CFAP53: variants seen among roughly 807,000 people sequenced by gnomAD.
CFAP53 encodes the protein cilia- and flagella-associated protein 53.
CFAP53 carries 62 observed loss-of-function variants against 59.7 expected under a neutral mutation model. The observed-to-expected ratio is 1.04, with a 90% CI of 0.85 to 1.28. The LOEUF is 1.28. CFAP53 is among the 50% of genes most tolerant of loss of function. CFAP53 has a pLI of 0.00. For synonymous variants in CFAP53, 218 were observed against 205.7 expected (o/e 1.06, Z -0.51); for missense variants, 629 against 615.6 (o/e 1.02, Z -0.23).
intron 6 of CFAP53, among the ~76,000 whole-genome samples, chr18:50,239,196 C>T (rs1157186299): frequency 7.3e-5 from 11 of 151,500 alleles, no homozygotes; most frequent in Non-Finnish European, 1.2e-4. Context: ...GAGACCAGCC[C>T]GGCCAACATG....
intron 3 of CFAP53, 126 bp from the exon 4 acceptor site, chr18:50,251,910 G>C (rs2033805190): frequency 1.2e-6 from 1 of 827,790 alleles, no homozygotes; most frequent in Non-Finnish European, 1.9e-6. Flanking sequence ...GGCCATCGGA[G>C]CACAGGAAAC....
chr18:50,241,244 T>G (rs2033687246), intron 6 of CFAP53, among the ~76,000 whole-genome samples: 4 of 152,160 alleles, frequency 2.6e-5, no homozygotes, highest in Admixed American at 2.6e-4. Context: ...CAATGTGGAT[T>G]GAATGTAAGT....
At chr18:50,257,492 G>T (rs900000436) in intron 3 of CFAP53, among the ~76,000 whole-genome samples, 1 of 152,048 alleles carries the variant, frequency 6.6e-6, no homozygotes, top group African/African-American at 2.4e-5. Context: ...ACGTGAAAAA[G>T]AAATTTAAAA....
At chr18:50,251,018 G>A (rs1262884774) in intron 4 of CFAP53, 42 bp from the exon 5 acceptor site, 4 of 1,527,264 alleles carry the variant, frequency 2.6e-6, no homozygotes, top group Admixed American at 1.7e-5. Context: ...CAGTACAGTT[G>A]GACAAGACAA....
intron 5 of CFAP53, among the ~76,000 whole-genome samples, chr18:50,249,553 A>G (rs1237499081): frequency 1.3e-5 from 2 of 152,084 alleles, no homozygotes; most frequent in Non-Finnish European, 2.9e-5. Flanking sequence ...AGAAAAAGAA[A>G]CAACTATTGA....
At chr18:50,228,548 G>C (rs1171248702) in intron 7 of CFAP53, among the ~76,000 whole-genome samples, 1 of 151,840 alleles carries the variant, frequency 6.6e-6, no homozygotes, top group East Asian at 1.9e-4. Context: ...CCCAGCACTT[G>C]GGAGGCTGAG....
At chr18:50,242,164 T>C (rs910703848) in intron 6 of CFAP53, among the ~76,000 whole-genome samples, 1 of 152,224 alleles carries the variant, frequency 6.6e-6, no homozygotes, top group Non-Finnish European at 1.5e-5. Flanking sequence ...CCTTGTTCCC[T>C]GAAAATTGCT....
rs112473905 is a variant in CFAP53, at chr18:50,259,839, T to C, written c.473+1225A>G. 8.3e-3 allele frequency among the ~76,000 whole-genome samples: 1,258 copies of C among 152,326 alleles called. 15 individuals carry two copies. The highest frequency in any genetic ancestry group is 0.029 in the African/African-American group (1,208 of 41,570). On this transcript the variant is annotated intron_variant, in intron 3 of 7. Transcript: ENST00000398545. The stretch of plus-strand genomic sequence containing the variant: ...TGCTGGGATTATAGGTGTGAGCCAC[T>C]GTGCCCAGCCAAATAACAGCAATTC...
chr18:50,235,226 C>A (rs556998345), intron 7 of CFAP53, among the ~76,000 whole-genome samples: 11 of 152,330 alleles, frequency 7.2e-5, no homozygotes, highest in Admixed American at 2.0e-4. Flanking sequence ...CAAAGCTTCT[C>A]CAGCTGGGTT....
At chr18:50,247,735 C>T (rs1369273387) in intron 5 of CFAP53, among the ~76,000 whole-genome samples, 2 of 152,180 alleles carry the variant, frequency 1.3e-5, no homozygotes, top group African/African-American at 2.4e-5. Flanking sequence ...TGATTCCATT[C>T]ATATCAAAGT....
chr18:50,243,869 G>A (rs920293446), intron 5 of CFAP53, among the ~76,000 whole-genome samples: 13 of 151,716 alleles, frequency 8.6e-5, no homozygotes, highest in East Asian at 3.9e-4. Context: ...GGAGAATGGC[G>A]TGAACCCAGG....
At chr18:50,262,377 G>A (rs900607848) in intron 1 of CFAP53, among the ~76,000 whole-genome samples, 158 bp from the exon 2 acceptor site, 1 of 152,310 alleles carries the variant, frequency 6.6e-6, no homozygotes, top group African/African-American at 2.4e-5. Context: ...CACCTAAAGA[G>A]TAACTTGTTT....
chr18:50,252,774 C>T (rs1159305158), intron 3 of CFAP53, among the ~76,000 whole-genome samples: 1 of 152,174 alleles, frequency 6.6e-6, no homozygotes, highest in African/African-American at 2.4e-5. Flanking sequence ...GTAATCCCAA[C>T]ACTTTGGGAG....
At chr18:50,245,506 A>T (rs1179229667) in intron 5 of CFAP53, among the ~76,000 whole-genome samples, 1 of 152,238 alleles carries the variant, frequency 6.6e-6, no homozygotes, top group African/African-American at 2.4e-5. Flanking sequence ...TGAAATTAAA[A>T]ATTTTATTTC....
intron 5 of CFAP53, among the ~76,000 whole-genome samples, chr18:50,244,282 G>T (rs1599120909): frequency 6.6e-6 from 1 of 152,252 alleles, no homozygotes; most frequent in East Asian, 1.9e-4. Flanking sequence ...GGTCATGGGG[G>T]TAGTTTCCCC....
intron 3 of CFAP53, among the ~76,000 whole-genome samples, chr18:50,254,818 G>A (rs948508514): frequency 1.3e-5 from 2 of 152,152 alleles, no homozygotes; most frequent in African/African-American, 4.8e-5. Context: ...TTGAACCCAG[G>A]AGGCAGAGGC....
chr18:50,227,281 G>GA lies in CFAP53; in HGVS notation c.*99dup, dbSNP rs1256265839. 3.3e-5 allele frequency: 31 copies of GA among 945,190 alleles called. 1 individual carries two copies. The highest frequency in any genetic ancestry group is 4.4e-4 in the Middle Eastern group (2 of 4,542). 58.6% of individuals were successfully genotyped at this position (945,190 alleles called of 1,614,324 possible). A position where few individuals can be genotyped will look rare whatever the true frequency, so the allele number is the denominator to read the frequency against. ...GTTCAATTAATTACACAAACTCAGG[G>GA]AAAAAAGAAAAGTTTATCCAGGAGT... On this transcript the variant is annotated 3_prime_UTR_variant, in exon 8 of 8. Transcript: ENST00000398545.
chr18:50,233,767 G>A (rs891843926), intron 7 of CFAP53, among the ~76,000 whole-genome samples: 1 of 152,142 alleles, frequency 6.6e-6, no homozygotes, highest in Non-Finnish European at 1.5e-5. Flanking sequence ...ATGCCCATGC[G>A]GACAGGCACT....
At chr18:50,230,051 C>T (rs1047457072) in intron 7 of CFAP53, among the ~76,000 whole-genome samples, 2 of 152,150 alleles carry the variant, frequency 1.3e-5, no homozygotes, top group East Asian at 3.8e-4. Flanking sequence ...ACCCACCATG[C>T]CTGGCCTCTT....
Sources: allele counts gnomAD v4.1 joint callset (sites outside exome capture counted in the v4.1 genomes callset), GRCh38; gene constraint gnomAD v4.1.1; transcripts MANE v1.5; gene names NCBI Gene and HGNC (gene_info 2026-07-23, HGNC 2026-07-21).